Variants in TRAK2 observed in about 807,000 individuals in gnomAD.
TRAK2 encodes trafficking kinesin protein 2.
Under a neutral mutation model 104.6 loss-of-function variants are expected in TRAK2, and 81 were observed. The ratio of observed to expected loss-of-function variants is 0.77; its 90% CI spans 0.65 to 0.93. TRAK2 has a LOEUF of 0.93. Ranked by LOEUF, TRAK2 falls within the 40% of genes least tolerant of loss-of-function variation. The pLI, the probability that TRAK2 is intolerant of heterozygous loss-of-function variation, is 0.00. For missense variants in TRAK2, 1,002 were observed against 1,089.0 expected (o/e 0.92, Z 1.12); for synonymous variants, 406 against 394.4 (o/e 1.03, Z -0.35).
intron 1 of TRAK2, among the ~76,000 whole-genome samples, chr2:201,436,951 T>C (rs1222955231): frequency 6.6e-6 from 1 of 152,196 alleles, no homozygotes; most frequent in Non-Finnish European, 1.5e-5. Context: ...TATCTGCATA[T>C]TAAAGACATA....
At position 201,407,434 on chromosome 2, in the gene TRAK2, T is replaced by A. The variant is rs775983570; in HGVS notation, c.255A>T (p.Pro85=). 5.6e-6 allele frequency: 9 copies of A among 1,613,864 alleles called. No homozygotes were observed. The Admixed American group carries it at 1.3e-4, about 24-fold the overall frequency. Residue 85 remains proline (P), a synonymous_variant, in exon 3 of 16, where the codon CCA becomes CCT. Coordinates refer to ENST00000332624, the MANE Select transcript of TRAK2 (RefSeq NM_015049.3). Reference sequence around the variant, plus strand: ...AACGGAAAGTCTCTTCAGCAAGGACTGGAGAGAGAGCATCAGATGCATGCT... The same window carrying A: ...AACGGAAAGTCTCTTCAGCAAGGACAGGAGAGAGAGCATCAGATGCATGCT... ...QRQHASDALS[P]VLAEETFRYM... is the part of the protein sequence containing the mutation.
chr2:201,383,707 T>C (rs1951363835), intron 15 of TRAK2, among the ~76,000 whole-genome samples: 1 of 152,222 alleles, frequency 6.6e-6, no homozygotes, highest in South Asian at 2.1e-4. Flanking sequence ...TGAGATCTTC[T>C]AGCAAATTGC....
At position 201,412,940 on chromosome 2, in the gene TRAK2, T is replaced by C; in HGVS notation, c.92-5343A>G. On this transcript the variant is annotated intron_variant, in intron 2 of 15. Transcript: ENST00000332624. ...CAGTTACCAAGAACACTGGCTAAAC[T>C]GGCAAAAAACTGGTTCTGTACACAA... is the stretch of plus-strand genomic sequence containing the variant. The C allele has an allele frequency of 3.9e-6, 3 of 777,510 alleles. No individual in the cohort carries two copies. The Admixed American group carries it at 5.3e-5, about 14-fold the overall frequency. 48.2% of individuals were successfully genotyped at this position (777,510 alleles called of 1,614,324 possible).
chr2:201,394,923 C>A, intron 8 of TRAK2, 51 bp from the exon 9 acceptor site: 1 of 1,439,284 alleles, frequency 6.9e-7, no homozygotes, highest in Admixed American at 1.8e-5. Context: ...TAAAATATAG[C>A]TATTCTCTTT....
At position 201,428,158 on chromosome 2, in the gene TRAK2, A is replaced by G. The variant is rs558751312; in HGVS notation, c.-199-7452T>C. Among the ~76,000 whole-genome samples, 36 of 152,158 alleles carry G rather than the reference A, an allele frequency of 2.4e-4. 1 individual carries two copies. The highest frequency in any genetic ancestry group is 8.2e-4 in the African/African-American group (34 of 41,460). On this transcript the variant is annotated intron_variant, in intron 1 of 15. Coordinates refer to ENST00000332624, the MANE Select transcript of TRAK2 (RefSeq NM_015049.3). ...ATGGTAGGTTCTTTTGCTGTGCAGA[A>G]GCTGTTTAGTTTAATGAGATCCCAT...
rs1460174273 is a variant in TRAK2, at chr2:201,387,937, G to A, written c.1462C>T (p.Arg488Cys). ...TAGTTTTGTCGACGCAAGCTAAGGC[G>A]ATGCAGTGCTGTAGCCAAATCACTA... ...GDSDLATALH[R>C]LSLRRQNYLS... is the part of the protein sequence containing the mutation. The change falls in exon 13 of 16, where the codon CGC (arginine) becomes TGC (cysteine). Residue 488 changes from arginine to cysteine, a missense_variant. Arg to Cys is a radical substitution (Grantham distance 180). Transcript: ENST00000332624. 6 of 1,614,154 alleles carry A rather than the reference G, an allele frequency of 3.7e-6. No homozygotes were observed. The highest frequency in any genetic ancestry group is 1.7e-5 in the Admixed American group (1 of 60,020).
chr2:201,407,158 G>C (rs190147872), intron 3 of TRAK2, among the ~76,000 whole-genome samples: 34 of 152,242 alleles, frequency 2.2e-4, no homozygotes, highest in African/African-American at 7.7e-4. Flanking sequence ...TCAGTCTGAG[G>C]AAAATATCAA....
chr2:201,406,240 T>C (rs1037983988), intron 3 of TRAK2, among the ~76,000 whole-genome samples: 6 of 152,246 alleles, frequency 3.9e-5, no homozygotes, highest in African/African-American at 7.2e-5. Flanking sequence ...ACAATGTTTA[T>C]ACTTTTTTTG....
At chr2:201,451,054 C>T (rs1257128726) in intron 1 of TRAK2, among the ~76,000 whole-genome samples, 1 of 152,168 alleles carries the variant, frequency 6.6e-6, no homozygotes, top group African/African-American at 2.4e-5. Flanking sequence ...GACAGGGCTC[C>T]AGATGGATGC....
At chr2:201,392,853 C>A in intron 10 of TRAK2, 56 bp downstream of exon 10, 1 of 1,524,358 alleles carries the variant, frequency 6.6e-7, no homozygotes, top group South Asian at 1.3e-5. Flanking sequence ...ACTTTTAGGA[C>A]AAACTAATCT....
rs74942923 is a variant in TRAK2 at position 201,447,678 on chromosome 2, T to A, written c.-200+3672A>T. On this transcript the variant is annotated intron_variant, in intron 1 of 15. Coordinates refer to ENST00000332624, the MANE Select transcript of TRAK2 (RefSeq NM_015049.3). The surrounding 1 kb of genome is among the most constrained non-coding windows in gnomAD (Gnocchi z 4.1). Reference sequence around the variant, plus strand: ...ATTAGAACCCACCCTAACGGCTTCATCTGAACTTAATCACCCCAAAGCCCT... The same window carrying A: ...ATTAGAACCCACCCTAACGGCTTCAACTGAACTTAATCACCCCAAAGCCCT... Among the ~76,000 whole-genome samples, 438 of 152,320 alleles carry A rather than the reference T, an allele frequency of 2.9e-3. 12 individuals carry two copies. In the East Asian group the frequency reaches 0.071, roughly 25 times the overall value.
intron 15 of TRAK2, 90 bp from the exon 16 acceptor site, chr2:201,381,308 C>T (rs910440273): frequency 2.5e-6 from 3 of 1,218,424 alleles, no homozygotes; most frequent in Non-Finnish European, 1.1e-6. Flanking sequence ...AGTAGTTATC[C>T]TTGGTAAATA....
chr2:201,387,082 A>G (rs1454970810), intron 13 of TRAK2, among the ~76,000 whole-genome samples: 10 of 152,230 alleles, frequency 6.6e-5, no homozygotes, highest in Admixed American at 2.0e-4. Context: ...AATACAACTA[A>G]GTTATAAAAT....
chr2:201,388,254 T>C (rs1429783343), intron 12 of TRAK2, among the ~76,000 whole-genome samples: 2 of 152,224 alleles, frequency 1.3e-5, no homozygotes, highest in Non-Finnish European at 2.9e-5. Flanking sequence ...CTGAATTTTC[T>C]ATTTCATTTA....
At chr2:201,388,777 A>C (rs1164531833) in intron 12 of TRAK2, among the ~76,000 whole-genome samples, 1 of 152,262 alleles carries the variant, frequency 6.6e-6, no homozygotes, top group Non-Finnish European at 1.5e-5. Context: ...AACACTGCCC[A>C]GGACAGACCA....
chr2:201,416,890 G>A (rs184161279), intron 2 of TRAK2, among the ~76,000 whole-genome samples: 7 of 151,570 alleles, frequency 4.6e-5, no homozygotes, highest in Admixed American at 2.0e-4. Context: ...AGAAAAAAAC[G>A]GAAGACGGAA....
chr2:201,447,264 A>G lies in TRAK2; in HGVS notation c.-200+4086T>C, dbSNP rs913320354. 3.9e-5 allele frequency among the ~76,000 whole-genome samples: 6 copies of G among 152,106 alleles called. No individual in the cohort carries two copies. The highest frequency in any genetic ancestry group is 1.3e-4 in the Admixed American group (2 of 15,268). On this transcript the variant is annotated intron_variant, in intron 1 of 15. Transcript: ENST00000332624. This position sits in a 1 kb window ranked among gnomAD's most constrained non-coding sequence, Gnocchi z 4.1. ...CAGCCCCAGCCTAGTCTCCAGTTTC[A>G]TTTCTCTCAACATTTATCTCTTCAC...
intron 1 of TRAK2, among the ~76,000 whole-genome samples, chr2:201,438,591 C>T (rs989374484): frequency 2.0e-5 from 3 of 152,180 alleles, no homozygotes; most frequent in Admixed American, 6.5e-5. Flanking sequence ...CTGAGCTTTA[C>T]TAGCAAGGGA....
intron 1 of TRAK2, among the ~76,000 whole-genome samples, chr2:201,428,857 G>A (rs1951815687): frequency 6.6e-6 from 1 of 152,180 alleles, no homozygotes; most frequent in South Asian, 2.1e-4. Flanking sequence ...GCAGTGGTTT[G>A]TAGTTCTCCT....
Sources: gnomAD v4.1 joint callset for allele counts (sites outside exome capture counted in the v4.1 genomes callset) on GRCh38, gnomAD v4.1.1 for gene constraint, Gnocchi (gnomAD v3.1) non-coding constraint, MANE v1.5 for transcripts, NCBI Gene and HGNC (gene_info 2026-07-23, HGNC 2026-07-21) for gene names.